Variants in LSP1 observed in about 807,000 individuals in gnomAD.
LSP1 encodes lymphocyte-specific protein 1.
LSP1 carries 32 observed loss-of-function variants against 49.3 expected under a neutral mutation model. That is an observed-to-expected ratio of 0.65 (90% CI 0.49 to 0.87). LSP1 has a LOEUF of 0.87. Ranked by LOEUF, LSP1 falls within the 40% of genes least tolerant of loss-of-function variation. The pLI, the probability that LSP1 is intolerant of heterozygous loss-of-function variation, is 0.00. For synonymous variants in LSP1, 179 were observed against 178.8 expected (o/e 1.00, Z -0.01); for missense variants, 428 against 442.6 (o/e 0.97, Z 0.30).
intron 1 of LSP1, chr11:1,870,873 C>T: frequency 1.0e-6 from 1 of 986,392 alleles, no homozygotes; most frequent in Non-Finnish European, 1.2e-6. Context: ...GTGAGCACGG[C>T]AAGAGCTCTG....
intron 10 of LSP1, chr11:1,890,476 G>A (rs563673015): frequency 6.3e-5 from 45 of 717,144 alleles, no homozygotes; most frequent in Middle Eastern, 4.6e-4. Flanking sequence ...TTCTGCAAAC[G>A]CAAGTTGTCC....
At chr11:1,888,300 C>G (rs1183743110) in intron 10 of LSP1, among the ~76,000 whole-genome samples, 1 of 152,204 alleles carries the variant, frequency 6.6e-6, no homozygotes, top group Non-Finnish European at 1.5e-5. Flanking sequence ...GGCCCCTCCA[C>G]TCTCCCCACC....
intron 2 of LSP1, 148 bp downstream of exon 2, chr11:1,880,372 G>C: frequency 9.9e-7 from 1 of 1,006,388 alleles, no homozygotes; most frequent in African/African-American, 1.7e-5. Flanking sequence ...GCGTGGGAGT[G>C]GGTGAGTGCT....
intron 2 of LSP1, 73 bp downstream of exon 2, chr11:1,880,297 G>C: frequency 6.9e-7 from 1 of 1,444,846 alleles, no homozygotes; most frequent in Non-Finnish European, 9.1e-7. Context: ...CAGAGGGGGA[G>C]GTCAAGGGCC....
intron 1 of LSP1, chr11:1,869,634 G>A (rs1158096126): frequency 1.9e-5 from 9 of 470,666 alleles, no homozygotes; most frequent in South Asian, 4.6e-5. Context: ...GCTCAGAGCC[G>A]CTGTCTCACA....
chr11:1,881,607 GC>G lies in LSP1; in HGVS notation c.356+13del. On this transcript the variant is annotated intron_variant, in intron 3 of 10. Coordinates refer to ENST00000311604, the MANE Select transcript of LSP1 (RefSeq NM_002339.3). ...GGAGCAAGAGGACAGGTGAGTGAGG[GC>G]CTCGAGGGCGGGCGCTGGGCAGAGC... 7.2e-7 allele frequency: 1 copy of G among 1,394,638 alleles called. No homozygotes were observed. Among genetic ancestry groups the G allele is most frequent in the Non-Finnish European group, 9.4e-7 (1 of 1,058,598 alleles). The allele number at this position is 1,394,638 out of a possible 1,614,324, so 86.4% of individuals were successfully genotyped here.
chr11:1,853,166 C>T lies in LSP1; in HGVS notation c.22C>T (p.Pro8Ser), dbSNP rs762396204. The T allele has an allele frequency of 6.2e-7, 1 of 1,611,550 alleles. No homozygotes were observed. Among genetic ancestry groups the T allele is most frequent in the Non-Finnish European group, 8.5e-7 (1 of 1,179,410 alleles). ...GCTGATGGCGGAGGCTTCGAGTGAC[C>T]CGGGTGCCGAGGAGCGGGAAGAGTT... MAEASSD[P>S]GAEEREELLG... The change falls in exon 1 of 11, where the codon CCG becomes TCG. Residue 8 changes from proline (P) to serine (S), a missense_variant. By Grantham distance (74) the Pro-to-Ser change is moderately conservative. Transcript: ENST00000311604.
At position 1,887,248 on chromosome 11, in the gene LSP1, T is replaced by A; in HGVS notation, c.864T>A (p.Ala288=). ...TCTGCTGCCCCCAGGATATTGTGGC[T>A]GGAGACATGAGCAAGAAAAGCCTCT... ...AKTPSCKDIV[A]GDMSKKSLWE... Residue 288 remains alanine (A), a synonymous_variant, in exon 9 of 11, where the codon GCT becomes GCA. Coordinates refer to ENST00000311604, the MANE Select transcript of LSP1 (RefSeq NM_002339.3). 1 of 1,585,076 alleles carries A rather than the reference T, an allele frequency of 6.3e-7. No individual in the cohort carries two copies. Among genetic ancestry groups the A allele is most frequent in the South Asian group, 1.1e-5 (1 of 88,634 alleles).
chr11:1,886,594 C>T, intron 7 of LSP1, 138 bp from the exon 8 acceptor site: 1 of 957,588 alleles, frequency 1.0e-6, no homozygotes, highest in Non-Finnish European at 1.6e-6. Context: ...TTCCAGTGAT[C>T]CCCACTCTGG....
chr11:1,881,632 G>T lies in LSP1; in HGVS notation c.356+36G>T, dbSNP rs986298634. The T allele has an allele frequency of 2.1e-6, 3 of 1,428,024 alleles. No homozygotes were observed. In the African/African-American group the frequency reaches 4.6e-5, roughly 22 times the overall value. The allele number at this position is 1,428,024 out of a possible 1,614,324, so 88.5% of individuals were successfully genotyped here. A position where few individuals can be genotyped will look rare whatever the true frequency, so the allele number is the denominator to read the frequency against. On this transcript the variant is annotated intron_variant, in intron 3 of 10. Transcript: ENST00000311604. Reference sequence around the variant, plus strand: ...GCCTCGAGGGCGGGCGCTGGGCAGAGCAGGGCTCCCTCTGGACCTCGAGGG... The same window carrying T: ...GCCTCGAGGGCGGGCGCTGGGCAGATCAGGGCTCCCTCTGGACCTCGAGGG...
In LSP1 at chr11:1,881,486, C is replaced by G. The variant is rs374290957; in HGVS notation, c.246C>G (p.Gly82=). Residue 82 remains glycine, a synonymous_variant, in exon 3 of 11, where the codon GGC becomes GGG. Coordinates refer to ENST00000311604, the MANE Select transcript of LSP1 (RefSeq NM_002339.3). The part of the protein sequence containing the change: ...APELDEDEGF[G]DWSQRPEQRQ... ...AACTGGATGAGGACGAGGGCTTTGG[C>G]GACTGGTCCCAGAGGCCAGAGCAGC... 8.2e-6 allele frequency: 13 copies of G among 1,578,316 alleles called. No individual in the cohort carries two copies. The Admixed American group carries it at 2.2e-4, about 27-fold the overall frequency.
chr11:1,861,353 T>C (rs1379113506), intron 1 of LSP1, among the ~76,000 whole-genome samples: 2 of 152,250 alleles, frequency 1.3e-5, no homozygotes, highest in Admixed American at 6.5e-5. Flanking sequence ...TGAAACATGA[T>C]CATCATAAGA....
chr11:1,876,600 C>G (rs1189181995), intron 1 of LSP1: 6 of 985,506 alleles, frequency 6.1e-6, no homozygotes, highest in Non-Finnish European at 7.2e-6. Flanking sequence ...GGACGGGGAC[C>G]GAGCCGGACA....
chr11:1,857,639 C>T (rs1002056154), intron 1 of LSP1, among the ~76,000 whole-genome samples: 5 of 152,196 alleles, frequency 3.3e-5, no homozygotes, highest in East Asian at 1.9e-4. Context: ...TATAGGCCCT[C>T]GGAGTGCTTT....
chr11:1,866,725 AG>A, intron 1 of LSP1: 1 of 1,550,514 alleles, frequency 6.4e-7, no homozygotes, highest in Non-Finnish European at 8.7e-7. Flanking sequence ...CTGGGATTTG[AG>A]GAGTGCCTGG....
chr11:1,887,285 G>A lies in LSP1; in HGVS notation c.901G>A (p.Gly301Arg), dbSNP rs1203026216. 3.7e-6 allele frequency: 6 copies of A among 1,600,980 alleles called. No individual in the cohort carries two copies. Among genetic ancestry groups the A allele is most frequent in the Non-Finnish European group, 5.1e-6 (6 of 1,172,790 alleles). The change falls in exon 9 of 11, where the codon GGA becomes AGA. Residue 301 changes from glycine (G) to arginine (R), a missense_variant. By Grantham distance (125) the Gly-to-Arg change is moderately radical. Coordinates refer to ENST00000311604, the MANE Select transcript of LSP1 (RefSeq NM_002339.3). ...MSKKSLWEQK[G>R]GSKTSSTIKS... ...CAAGAAAAGCCTCTGGGAGCAGAAGGGAGGCTCCAAGACCTCATCAACAAT... is the reference window on the plus strand; with the variant it reads ...CAAGAAAAGCCTCTGGGAGCAGAAGAGAGGCTCCAAGACCTCATCAACAAT...
chr11:1,867,689 G>A (rs560822569), intron 1 of LSP1, among the ~76,000 whole-genome samples: 31 of 152,302 alleles, frequency 2.0e-4, no homozygotes, highest in Non-Finnish European at 3.8e-4. Context: ...TGCAGGCAAA[G>A]TGCTGTGTCC....
chr11:1,862,973 T>C (rs1248791732), intron 1 of LSP1, among the ~76,000 whole-genome samples: 1 of 152,120 alleles, frequency 6.6e-6, no homozygotes, highest in Non-Finnish European at 1.5e-5. Context: ...GCCAACACCA[T>C]GGTCTCTAGT....
chr11:1,864,821 A>G (rs1324192252), intron 1 of LSP1, among the ~76,000 whole-genome samples: 1 of 151,674 alleles, frequency 6.6e-6, no homozygotes, highest in Non-Finnish European at 1.5e-5. Context: ...CAGGCTGCCC[A>G]CAGACCCCTG....
Sources: allele counts gnomAD v4.1 joint callset (sites outside exome capture counted in the v4.1 genomes callset), GRCh38; gene constraint gnomAD v4.1.1; transcripts MANE v1.5; gene names NCBI Gene and HGNC (gene_info 2026-07-23, HGNC 2026-07-21).